Variants in ARL14EPL observed in about 807,000 individuals in gnomAD.
ARL14EPL encodes the protein ARL14 effector protein-like.
ARL14EPL carries 17 observed loss-of-function variants against 15.9 expected under a neutral mutation model. The ratio of observed to expected loss-of-function variants is 1.07; its 90% CI spans 0.73 to 1.60. ARL14EPL has a LOEUF of 1.60. ARL14EPL is among the 40% of genes most tolerant of loss of function. ARL14EPL has a pLI of 0.00. For synonymous variants in ARL14EPL, 78 were observed against 63.8 expected (o/e 1.22, Z -1.06); for missense variants, 214 against 185.9 (o/e 1.15, Z -0.88).
chr5:116,039,774 A>G (rs536548656), intron 1 of ARL14EPL, among the ~76,000 whole-genome samples: 5 of 152,334 alleles, frequency 3.3e-5, no homozygotes, highest in African/African-American at 9.6e-5. Context: ...TTATGAATAC[A>G]TTAGATAATT....
intron 1 of ARL14EPL, among the ~76,000 whole-genome samples, chr5:116,045,950 A>G (rs1749259727): frequency 6.6e-6 from 1 of 152,120 alleles, no homozygotes; most frequent in Non-Finnish European, 1.5e-5. Context: ...TTTAGAGGTT[A>G]TTGTCTTGTG....
At chr5:116,056,161 G>C (rs1428456592) in intron 3 of ARL14EPL, among the ~76,000 whole-genome samples, 46 of 151,898 alleles carry the variant, frequency 3.0e-4, no homozygotes, top group South Asian at 6.3e-4. Context: ...GGGTATATAT[G>C]CAGTAATGGG....
intron 1 of ARL14EPL, among the ~76,000 whole-genome samples, chr5:116,046,255 T>C (rs751786095): frequency 5.9e-5 from 9 of 152,200 alleles, no homozygotes; most frequent in Non-Finnish European, 1.3e-4. Context: ...CATTATCTGC[T>C]GTGAGTAAGA....
Position 116,054,046 on chromosome 5 carries a change from A to G in ARL14EPL, c.129A>G (p.Ala43=), listed in dbSNP as rs1386444364. ...QQIERQLKCL[A]FRNPGPQVAD... The stretch of plus-strand genomic sequence containing the variant: ...TAGAGCGGCAGTTAAAATGCTTGGC[A>G]TTTCGAAACCCTGGACCACAGGTAG... The change falls in exon 3 of 4, where the codon GCA becomes GCG. Residue 43 remains alanine, a synonymous_variant. Transcript: ENST00000686077. 20 of 1,535,456 alleles carry G rather than the reference A, an allele frequency of 1.3e-5. No individual in the cohort carries two copies. Among genetic ancestry groups the G allele is most frequent in the Non-Finnish European group, 1.7e-5 (20 of 1,146,644 alleles).
chr5:116,043,750 T>C (rs1035689276), intron 1 of ARL14EPL, among the ~76,000 whole-genome samples: 1 of 152,196 alleles, frequency 6.6e-6, no homozygotes, highest in Non-Finnish European at 1.5e-5. Context: ...AACCTCTCAG[T>C]TGGGACTTTT....
At chr5:116,051,843 A>G in intron 2 of ARL14EPL, 1 of 1,082,578 alleles carries the variant, frequency 9.2e-7, no homozygotes, top group Non-Finnish European at 1.3e-6. Context: ...AAACGTTTTT[A>G]TTTTTATTTT....
At position 116,054,038 on chromosome 5, in the gene ARL14EPL, T is replaced by C. The variant is rs571352686; in HGVS notation, c.121T>C (p.Cys41Arg). ...GCAACAAATAGAGCGGCAGTTAAAA[T>C]GCTTGGCATTTCGAAACCCTGGACC... ...QLQQIERQLK[C>R]LAFRNPGPQV... The change falls in exon 3 of 4, where the codon TGC becomes CGC. Residue 41 changes from cysteine (C) to arginine (R), a missense_variant. Coordinates refer to ENST00000686077, the MANE Select transcript of ARL14EPL (RefSeq NM_001195581.2). 1.0e-5 allele frequency: 16 copies of C among 1,535,494 alleles called. No individual in the cohort carries two copies. The South Asian group carries it at 1.5e-4, about 15-fold the overall frequency.
At chr5:116,053,351 C>CA (rs35918468) in intron 2 of ARL14EPL, among the ~76,000 whole-genome samples, 88,737 of 130,894 alleles carry the variant, frequency 0.68, 30,490 homozygotes, top group Non-Finnish European at 0.79. Flanking sequence ...GACCCTATCT[C>CA]AAAAAAAAAA....
In ARL14EPL at chr5:116,038,430, G is replaced by A. The variant is rs769347792; in HGVS notation, c.-10+5925G>A. Among the ~76,000 whole-genome samples the A allele has an allele frequency of 2.0e-5, 3 of 152,144 alleles. No homozygotes were observed. In the East Asian group the frequency reaches 5.8e-4, roughly 29 times the overall value. On this transcript the variant is annotated intron_variant, in intron 1 of 3. Transcript: ENST00000686077. ...GAAAGCGTAAGTGGGTCCTGGAAGT[G>A]GGAACATTCTTGCACTCTAGCTAGA...
chr5:116,047,643 T>C (rs1448520700), intron 1 of ARL14EPL, among the ~76,000 whole-genome samples: 1 of 152,236 alleles, frequency 6.6e-6, no homozygotes, highest in African/African-American at 2.4e-5. Context: ...ACATTCTCCC[T>C]GGACTCTCTG....
chr5:116,058,682 G>C, intron 3 of ARL14EPL, 43 bp from the exon 4 acceptor site: 1 of 1,501,460 alleles, frequency 6.7e-7, no homozygotes, highest in South Asian at 1.2e-5. Context: ...CAATGTTGAG[G>C]ATGATTGCAC....
At chr5:116,041,048 G>A (rs1052909183) in intron 1 of ARL14EPL, among the ~76,000 whole-genome samples, 2 of 146,728 alleles carry the variant, frequency 1.4e-5, no homozygotes, top group Non-Finnish European at 3.0e-5. Flanking sequence ...AGAGGTTTTA[G>A]TTTTATAGTA....
chr5:116,046,863 G>C (rs1749277051), intron 1 of ARL14EPL, among the ~76,000 whole-genome samples: 1 of 152,166 alleles, frequency 6.6e-6, no homozygotes, highest in African/African-American at 2.4e-5. Flanking sequence ...TTTAGAGATA[G>C]GGTCTTTGGG....
At chr5:116,036,393 G>A (rs1214191152) in intron 1 of ARL14EPL, among the ~76,000 whole-genome samples, 1 of 97,918 alleles carries the variant, frequency 1.0e-5, no homozygotes, top group East Asian at 3.0e-4. Flanking sequence ...GCAGTGCTTC[G>A]TATAGAAATG....
At chr5:116,053,953 G>T in intron 2 of ARL14EPL, 61 bp from the exon 3 acceptor site, 1 of 1,395,396 alleles carries the variant, frequency 7.2e-7, no homozygotes, top group Non-Finnish European at 9.5e-7. Context: ...TCATTTTGGG[G>T]AAATGTAAAA....
chr5:116,046,861 T>C (rs1749277022), intron 1 of ARL14EPL, among the ~76,000 whole-genome samples: 1 of 152,204 alleles, frequency 6.6e-6, no homozygotes, highest in African/African-American at 2.4e-5. Flanking sequence ...TATTTAGAGA[T>C]AGGGTCTTTG....
chr5:116,040,134 A>G (rs1304317981), intron 1 of ARL14EPL, among the ~76,000 whole-genome samples: 1 of 152,162 alleles, frequency 6.6e-6, no homozygotes, highest in Non-Finnish European at 1.5e-5. Flanking sequence ...ATTTTTGCGA[A>G]GATCTTTGTC....
At chr5:116,038,961 C>T (rs1425280756) in intron 1 of ARL14EPL, among the ~76,000 whole-genome samples, 1 of 152,084 alleles carries the variant, frequency 6.6e-6, no homozygotes, top group East Asian at 1.9e-4. Flanking sequence ...TTCAGGGAGT[C>T]CCTGGGGCCC....
intron 2 of ARL14EPL, 141 bp downstream of exon 2, chr5:116,051,702 C>A: frequency 5.2e-6 from 4 of 770,298 alleles, no homozygotes; most frequent in Admixed American, 2.8e-5. Flanking sequence ...GCTGATAGAG[C>A]TTTCCCTCCT....
Sources: gnomAD v4.1 joint callset for allele counts (sites outside exome capture counted in the v4.1 genomes callset) on GRCh38, gnomAD v4.1.1 for gene constraint, MANE v1.5 for transcripts, NCBI Gene and HGNC (gene_info 2026-07-23, HGNC 2026-07-21) for gene names.